The following RHCE variants were observed in gnomAD, a reference collection of about 807,000 sequenced individuals.
The protein encoded by RHCE is Rh blood group CcEe antigens, also known as blood group Rh(CE) polypeptide.
In RHCE, 22 loss-of-function variants were observed where a neutral mutation model predicts 43.8. The ratio of observed to expected loss-of-function variants is 0.50; its 90% confidence interval spans 0.36 to 0.72. The LOEUF (loss-of-function observed/expected upper bound fraction) is 0.72, where lower values mean the gene tolerates loss of function less well. Ranked by LOEUF, RHCE falls within the 30% of genes least tolerant of loss-of-function variation. The pLI, the probability that RHCE is intolerant of heterozygous loss-of-function variation, is 0.00. For synonymous variants in RHCE, 156 were observed against 210.7 expected (o/e 0.74, Z 2.25); for missense variants, 385 against 525.4 (o/e 0.73, Z 2.61).
intron 1 of RHCE, among the ~76,000 whole-genome samples, chr1:25,412,289 T>C (rs1647104999): frequency 6.6e-6 from 1 of 152,238 alleles, no homozygotes; most frequent in South Asian, 2.1e-4. Flanking sequence ...TCAGTTTCCC[T>C]GTCTGTAACA....
intron 7 of RHCE, chr1:25,385,424 G>C: frequency 2.1e-6 from 1 of 475,674 alleles, no homozygotes; most frequent in Non-Finnish European, 4.0e-6. Context: ...CAATTGGCTT[G>C]GGCCTATTTG....
At chr1:25,391,248 G>A (rs865926898) in intron 4 of RHCE, among the ~76,000 whole-genome samples, 5 of 151,978 alleles carry the variant, frequency 3.3e-5, no homozygotes, top group Non-Finnish European at 5.9e-5. Flanking sequence ...GCAGTGGCGC[G>A]ATCTTGGCTC....
intron 1 of RHCE, among the ~76,000 whole-genome samples, chr1:25,416,899 G>T (rs1235312171): frequency 6.9e-6 from 1 of 144,092 alleles, no homozygotes; most frequent in South Asian, 2.2e-4. Context: ...GCCTCCCTAA[G>T]TGCTCAGCCA....
chr1:25,386,032 G>T (rs186749041), intron 6 of RHCE, among the ~76,000 whole-genome samples, 188 bp from the exon 7 acceptor site: 9 of 152,242 alleles, frequency 5.9e-5, no homozygotes, highest in African/African-American at 2.2e-4. Flanking sequence ...TGAAGAGCTG[G>T]CTTTAGTGGA....
intron 7 of RHCE, among the ~76,000 whole-genome samples, chr1:25,376,471 C>G (rs2124342140): frequency 6.6e-6 from 1 of 152,362 alleles, no homozygotes; most frequent in Non-Finnish European, 1.5e-5. Context: ...CCTGCAGCCT[C>G]ATGGGGTGGA....
chr1:25,394,394 G>A (rs28720112), intron 3 of RHCE, among the ~76,000 whole-genome samples: 2,010 of 152,000 alleles, frequency 0.013, 41 homozygotes, highest in African/African-American at 0.044. Flanking sequence ...AGGTACCCAT[G>A]TGGCTTGTGC....
upstream of RHCE, among the ~76,000 whole-genome samples, chr1:25,423,114 C>T (rs1410068074): frequency 6.6e-6 from 1 of 152,174 alleles, no homozygotes. Context: ...GCTACCCCAA[C>T]AGCAATTAAG....
upstream of RHCE, among the ~76,000 whole-genome samples, chr1:25,424,145 C>T (rs2042787902): frequency 1.3e-5 from 2 of 152,164 alleles, no homozygotes; most frequent in Non-Finnish European, 1.5e-5. Flanking sequence ...TTTGCCCAAC[C>T]GTAGGCTAAT....
At chr1:25,391,849 A>C (rs1646377257) in intron 4 of RHCE, 145 bp downstream of exon 4, 6 of 1,160,820 alleles carry the variant, frequency 5.2e-6, no homozygotes, top group Non-Finnish European at 7.7e-6. Context: ...TTTAGCAAAC[A>C]CTACTCAAAG....
At chr1:25,392,225 A>G (rs1418910938) in intron 3 of RHCE, 84 bp from the exon 4 acceptor site, 1 of 1,608,038 alleles carries the variant, frequency 6.2e-7, no homozygotes, top group Non-Finnish European at 8.5e-7. Context: ...GAAAGTTCAG[A>G]GCTTCACTTA....
intron 1 of RHCE, among the ~76,000 whole-genome samples, chr1:25,416,797 T>G (rs941897265): frequency 1.6e-4 from 20 of 128,994 alleles, no homozygotes; most frequent in African/African-American, 2.6e-4. Flanking sequence ...TTACAGTTTT[T>G]TTTTTTTTTT....
rs71014358 is a variant in RHCE at position 25,370,721 on chromosome 1, CTATTTTATTTTATTT to C, written c.1154-196_1154-182del. Among the ~76,000 whole-genome samples, 332 of 141,322 alleles carry C rather than the reference CTATTTTATTTTATTT, an allele frequency of 2.3e-3. 2 individuals are homozygous for C. Among genetic ancestry groups the C allele is most frequent in the African/African-American group, 6.3e-3 (240 of 37,840 alleles). 92.7% of individuals were successfully genotyped at this position (141,322 alleles called of 152,430 possible). On this transcript the variant is annotated intron_variant, in intron 8 of 9. Coordinates refer to ENST00000294413, the MANE Select transcript of RHCE (RefSeq NM_020485.8). The stretch of plus-strand genomic sequence containing the variant: ...TCCTGGACCAGCTTAATTCTGTAGA[CTATTTTATTTTATTT>C]TATTTTATTTTATTTTATTTTATTT...
At chr1:25,404,232 C>A (rs1646847300) in intron 2 of RHCE, among the ~76,000 whole-genome samples, 1 of 150,092 alleles carries the variant, frequency 6.7e-6, no homozygotes, top group Non-Finnish European at 1.5e-5. Flanking sequence ...GTTCAGTATC[C>A]CCATTTTACA....
chr1:25,424,828 GT>G (rs945449689), upstream of RHCE, among the ~76,000 whole-genome samples: 40 of 148,134 alleles, frequency 2.7e-4, no homozygotes, highest in African/African-American at 8.9e-4. Context: ...GTGTATTTAG[GT>G]TTTTTTTTTA....
At chr1:25,412,442 G>A (rs1047198566) in intron 1 of RHCE, among the ~76,000 whole-genome samples, 1 of 152,204 alleles carries the variant, frequency 6.6e-6, no homozygotes, top group Non-Finnish European at 1.5e-5. Flanking sequence ...ACCAGGTGTG[G>A]TGGCTCACAC....
chr1:25,412,375 G>T (rs937167146), intron 1 of RHCE, among the ~76,000 whole-genome samples: 9 of 152,142 alleles, frequency 5.9e-5, no homozygotes, highest in Non-Finnish European at 1.3e-4. Context: ...GGAAGATGGG[G>T]AGAGGAGAGT....
intron 9 of RHCE, among the ~76,000 whole-genome samples, chr1:25,369,940 C>T (rs1645556369): frequency 4.6e-5 from 7 of 151,088 alleles, no homozygotes; most frequent in Admixed American, 2.0e-4. Flanking sequence ...GGTTTTGACA[C>T]GTTGGCCAGG....
intron 8 of RHCE, among the ~76,000 whole-genome samples, chr1:25,373,722 T>C (rs1645684819): frequency 6.6e-6 from 1 of 151,736 alleles, no homozygotes; most frequent in Non-Finnish European, 1.5e-5. Flanking sequence ...CTTACGCCAT[T>C]TGTCTCTTAT....
intron 6 of RHCE, among the ~76,000 whole-genome samples, chr1:25,386,779 G>A (rs535984044): frequency 3.3e-5 from 5 of 151,606 alleles, no homozygotes; most frequent in African/African-American, 7.3e-5. Context: ...CCAAGATGGC[G>A]CCACTGCACT....
Sources: allele counts gnomAD v4.1 joint callset (sites outside exome capture counted in the v4.1 genomes callset), GRCh38; gene constraint gnomAD v4.1.1; transcripts MANE v1.5; gene names NCBI Gene and HGNC (gene_info 2026-07-23, HGNC 2026-07-21).